Variants in ACO1 observed in about 807,000 individuals in gnomAD.
ACO1 encodes cytoplasmic aconitate hydratase.
A neutral mutation model predicts 105.1 loss-of-function variants in ACO1; 78 were observed. That is an observed-to-expected ratio of 0.74 (90% CI 0.62 to 0.90). The LOEUF (loss-of-function observed/expected upper bound fraction) is 0.90, where lower values mean the gene tolerates loss of function less well. Among genes scored for constraint, ACO1 ranks in the 40% least tolerant of loss-of-function variants. The pLI, the probability that ACO1 is intolerant of heterozygous loss-of-function variation, is 0.00. For missense variants in ACO1, 965 were observed against 1,111.1 expected, an observed-to-expected ratio of 0.87 and a Z score of 1.87; for synonymous variants, 364 against 397.4, an observed-to-expected ratio of 0.92 and a Z score of 1.00.
Position 32,436,226 on chromosome 9 carries a change from C to T in ACO1, c.2100-24C>T, listed in dbSNP as rs189013610. Reference sequence around the variant, plus strand: ...ATCTTTGCTTGCTTCACTAAGCCAGCTCCTTTCTTGCTTGCCTTCTTAGCC... The same window carrying T: ...ATCTTTGCTTGCTTCACTAAGCCAGTTCCTTTCTTGCTTGCCTTCTTAGCC... On this transcript the variant is annotated intron_variant, in intron 17 of 20. Transcript: ENST00000309951. The T allele has an allele frequency of 2.6e-4, 425 of 1,613,492 alleles. 6 individuals are homozygous for T. In the East Asian group the frequency reaches 7.2e-3, roughly 27 times the overall value.
intron 12 of ACO1, among the ~76,000 whole-genome samples, chr9:32,428,444 C>T (rs13290492): frequency 0.83 from 126,003 of 152,050 alleles, 52,845 homozygotes; most frequent in East Asian, 0.91. Context: ...AATAATGCCT[C>T]CTGGAATACT....
rs1312428326 is a variant in ACO1 at position 32,384,696 on chromosome 9, C to T, written c.-62C>T. 7.2e-6 allele frequency: 3 copies of T among 414,710 alleles called. No homozygotes were observed. The highest frequency in any genetic ancestry group is 5.4e-5 in the Admixed American group (2 of 37,190). 25.7% of individuals were successfully genotyped at this position (414,710 alleles called of 1,614,324 possible). A position where few individuals can be genotyped will look rare whatever the true frequency, so the allele number is the denominator to read the frequency against. On this transcript the variant is annotated 5_prime_UTR_variant, in exon 1 of 21. Coordinates refer to ENST00000309951, the MANE Select transcript of ACO1 (RefSeq NM_002197.3). ...CGGGAACGCGTCCCGCTGCTTGGGTCAGGTTCGCCGGTCGCGGGAGCCCCG... is the reference window on the plus strand; with the variant it reads ...CGGGAACGCGTCCCGCTGCTTGGGTTAGGTTCGCCGGTCGCGGGAGCCCCG...
intron 11 of ACO1, 145 bp from the exon 12 acceptor site, chr9:32,427,156 A>G: frequency 9.9e-7 from 1 of 1,005,822 alleles, no homozygotes; most frequent in South Asian, 1.8e-5. Flanking sequence ...GGCAGCAGAA[A>G]CAGCAGATAG....
chr9:32,396,735 C>T (rs1821380625), intron 1 of ACO1, among the ~76,000 whole-genome samples: 2 of 152,134 alleles, frequency 1.3e-5, no homozygotes, highest in Admixed American at 6.6e-5. Context: ...TGTCTCCTTC[C>T]ATTAAAATGG....
chr9:32,451,338 C>T lies in ACO1; in HGVS notation c.*1227C>T, dbSNP rs940756819. The stretch of plus-strand genomic sequence containing the variant: ...CACCTTCTTGCTTGTTCTCACATGG[C>T]ATTTCTTTGGTATGTGCCTGGTGGG... On this transcript the variant is annotated 3_prime_UTR_variant, in exon 21 of 21. Transcript: ENST00000309951. 2 of 152,090 alleles carry T rather than the reference C, an allele frequency of 1.3e-5. No individual in the cohort carries two copies. Among genetic ancestry groups the T allele is most frequent in the African/African-American group, 4.8e-5 (2 of 41,416 alleles). 9.4% of individuals were successfully genotyped at this position (152,090 alleles called of 1,614,324 possible).
chr9:32,433,965 G>GC, intron 16 of ACO1, 133 bp downstream of exon 16: 1 of 713,368 alleles, frequency 1.4e-6, no homozygotes, highest in South Asian at 2.0e-5. Context: ...AGCAGATACT[G>GC]CTGGGGAAAG....
At chr9:32,426,023 T>C (rs1440404469) in intron 11 of ACO1, 26 bp downstream of exon 11, 1 of 1,608,386 alleles carries the variant, frequency 6.2e-7, no homozygotes, top group East Asian at 2.2e-5. Context: ...TCCATCCTCA[T>C]GGTCATACAT....
chr9:32,435,979 A>C (rs549323309), intron 17 of ACO1: 1 of 598,554 alleles, frequency 1.7e-6, no homozygotes, highest in South Asian at 1.5e-5. Flanking sequence ...TCTTTTTTAG[A>C]CTTCCTTCTT....
At chr9:32,443,397 A>G (rs998152596) in intron 19 of ACO1, among the ~76,000 whole-genome samples, 1 of 152,212 alleles carries the variant, frequency 6.6e-6, no homozygotes, top group African/African-American at 2.4e-5. Flanking sequence ...CAATTACTGG[A>G]AATGAGGGCC....
chr9:32,427,273 C>G lies in ACO1; in HGVS notation c.1349-28C>G. ...GGCACCTAGAGCAGGCAGCCTCCCACACTGCATCTGTGTTTACCATTTCAC... is the reference window on the plus strand; with the variant it reads ...GGCACCTAGAGCAGGCAGCCTCCCAGACTGCATCTGTGTTTACCATTTCAC... On this transcript the variant is annotated intron_variant, in intron 11 of 20. Coordinates refer to ENST00000309951, the MANE Select transcript of ACO1 (RefSeq NM_002197.3). 3 of 1,611,538 alleles carry G rather than the reference C, an allele frequency of 1.9e-6. No homozygotes were observed. In the South Asian group the frequency reaches 3.3e-5, roughly 18 times the overall value.
At chr9:32,388,588 T>C (rs1234546114) in intron 1 of ACO1, among the ~76,000 whole-genome samples, 2 of 152,352 alleles carry the variant, frequency 1.3e-5, no homozygotes, top group South Asian at 2.1e-4. Flanking sequence ...ACTGTGTGTG[T>C]ATACCTGTGT....
At chr9:32,418,663 A>G in intron 6 of ACO1, 152 bp downstream of exon 6, 1 of 886,478 alleles carries the variant, frequency 1.1e-6, no homozygotes, top group African/African-American at 1.7e-5. Context: ...TGCCTAGAGA[A>G]TCACTTTGCA....
At chr9:32,388,574 G>A (rs1821201496) in intron 1 of ACO1, among the ~76,000 whole-genome samples, 1 of 152,092 alleles carries the variant, frequency 6.6e-6, no homozygotes, top group Non-Finnish European at 1.5e-5. Flanking sequence ...ACATTGTAGA[G>A]TACACTGTGT....
chr9:32,448,698 A>C (rs1297517623), intron 19 of ACO1, among the ~76,000 whole-genome samples, 198 bp from the exon 20 acceptor site: 1 of 152,198 alleles, frequency 6.6e-6, no homozygotes, highest in African/African-American at 2.4e-5. Context: ...CTGTCCAACC[A>C]GTCCCAATGA....
chr9:32,412,753 A>G (rs1397052321), intron 4 of ACO1, among the ~76,000 whole-genome samples: 2 of 152,184 alleles, frequency 1.3e-5, no homozygotes, highest in African/African-American at 2.4e-5. Flanking sequence ...AGTTTAAAAT[A>G]TATGCGTAAA....
intron 12 of ACO1, among the ~76,000 whole-genome samples, chr9:32,428,125 T>A (rs1227530104): frequency 1.4e-5 from 2 of 145,700 alleles, no homozygotes; most frequent in African/African-American, 2.5e-5. Flanking sequence ...AAAAAAAAAA[T>A]GTAAAACAAT....
At position 32,452,737 on chromosome 9, in the gene ACO1, G is replaced by A. The variant is rs1348838930; in HGVS notation, c.*2626G>A. 6.6e-6 allele frequency: 1 copy of A among 152,020 alleles called. No homozygotes were observed. Among genetic ancestry groups the A allele is most frequent in the South Asian group, 2.1e-4 (1 of 4,812 alleles). 9.4% of individuals were successfully genotyped at this position (152,020 alleles called of 1,614,324 possible). ...CCAACACTTTGGGAGGCCGAGGCTGGAGGGTTGCTTGAGCCCAGAAGTTTG... is the reference window on the plus strand; with the variant it reads ...CCAACACTTTGGGAGGCCGAGGCTGAAGGGTTGCTTGAGCCCAGAAGTTTG... On this transcript the variant is annotated 3_prime_UTR_variant, in exon 21 of 21. Transcript: ENST00000309951.
chr9:32,387,231 T>C (rs911659918), intron 1 of ACO1, among the ~76,000 whole-genome samples: 1 of 152,200 alleles, frequency 6.6e-6, no homozygotes, highest in African/African-American at 2.4e-5. Context: ...AGACACTTTC[T>C]CTGGGTCTCA....
intron 10 of ACO1, 61 bp from the exon 11 acceptor site, chr9:32,425,777 A>T (rs910433762): frequency 7.4e-6 from 9 of 1,221,892 alleles, no homozygotes; most frequent in Non-Finnish European, 2.3e-6. Flanking sequence ...TCCTCTAGCC[A>T]GATACATGTA....
Sources: gnomAD v4.1 joint callset for allele counts (sites outside exome capture counted in the v4.1 genomes callset) on GRCh38, gnomAD v4.1.1 for gene constraint, MANE v1.5 for transcripts, NCBI Gene and HGNC (gene_info 2026-07-23, HGNC 2026-07-21) for gene names.